TBC1D8: variants seen among roughly 807,000 people sequenced by gnomAD.
TBC1D8 encodes the protein TBC1 domain family member 8, also known as BUB2-like protein 1.
A neutral mutation model predicts 118.8 loss-of-function variants in TBC1D8; 65 were observed. That is an observed-to-expected ratio of 0.55 (90% CI 0.45 to 0.67). The LOEUF is 0.67. Ranked by LOEUF, TBC1D8 falls within the 30% of genes least tolerant of loss-of-function variation. TBC1D8 has a pLI of 0.00. For synonymous variants in TBC1D8, 566 were observed against 595.8 expected (o/e 0.95, Z 0.73); for missense variants, 1,376 against 1,471.2 (o/e 0.94, Z 1.06).
intron 18 of TBC1D8, 147 bp from the exon 19 acceptor site, chr2:101,011,173 G>C: frequency 1.3e-6 from 1 of 784,338 alleles, no homozygotes; most frequent in South Asian, 1.8e-5. Flanking sequence ...GATTCCCCTG[G>C]AGAGCCAGTG....
chr2:101,117,496 C>T (rs2104223233), intron 1 of TBC1D8, among the ~76,000 whole-genome samples: 1 of 152,058 alleles, frequency 6.6e-6, no homozygotes, highest in African/African-American at 2.4e-5. Context: ...TAATCTAAGT[C>T]CAGTAAAGGG....
chr2:101,025,451 T>C (rs1680285341), intron 15 of TBC1D8, among the ~76,000 whole-genome samples: 1 of 152,214 alleles, frequency 6.6e-6, no homozygotes, highest in Admixed American at 6.5e-5. Flanking sequence ...GGTCTTGAAC[T>C]GCTGACCTCA....
intron 19 of TBC1D8, 66 bp from the exon 20 acceptor site, chr2:101,008,339 C>G: frequency 7.8e-7 from 1 of 1,274,328 alleles, no homozygotes; most frequent in African/African-American, 1.5e-5. Context: ...TTTTTTTAAA[C>G]ATACCTGTGA....
At chr2:101,028,489 G>A (rs771035725) in intron 12 of TBC1D8, 57 bp from the exon 13 acceptor site, 90 of 1,507,444 alleles carry the variant, frequency 6.0e-5, no homozygotes, top group Non-Finnish European at 7.4e-5. Flanking sequence ...ACCACAACAC[G>A]GGCTGCCTTC....
chr2:101,033,941 A>T (rs1300159436), intron 9 of TBC1D8, among the ~76,000 whole-genome samples, 183 bp from the exon 10 acceptor site: 1 of 152,098 alleles, frequency 6.6e-6, no homozygotes, highest in African/African-American at 2.4e-5. Context: ...AGGCGGGTGG[A>T]TCACTTGAGG....
At chr2:101,042,438 T>G (rs560697496) in intron 5 of TBC1D8, among the ~76,000 whole-genome samples, 2 of 152,362 alleles carry the variant, frequency 1.3e-5, no homozygotes, top group South Asian at 4.1e-4. Context: ...CTTGGCTTGC[T>G]TATGTACTCT....
intron 2 of TBC1D8, among the ~76,000 whole-genome samples, chr2:101,066,230 GC>G (rs1302358985): frequency 2.0e-5 from 3 of 152,098 alleles, no homozygotes; most frequent in East Asian, 1.9e-4. Flanking sequence ...GTTGCAGTGA[GC>G]CGAGATCACG....
At chr2:101,011,766 A>G (rs1573854837) in intron 17 of TBC1D8, among the ~76,000 whole-genome samples, 1 of 152,234 alleles carries the variant, frequency 6.6e-6, no homozygotes, top group East Asian at 1.9e-4. Context: ...AGGTATGTGG[A>G]GACTGTTGTA....
intron 19 of TBC1D8, among the ~76,000 whole-genome samples, chr2:101,008,661 A>AATT (rs1558962926): frequency 6.6e-6 from 1 of 152,192 alleles, no homozygotes; most frequent in South Asian, 2.1e-4. Context: ...AAAAATACAA[A>AATT]ATTAGCCAGG....
Position 101,011,254 on chromosome 2 carries a change from TG to T in TBC1D8, c.2917+196del, listed in dbSNP as rs1679185615. 4 of 695,116 alleles carry T rather than the reference TG, an allele frequency of 5.8e-6. No individual in the cohort carries two copies. The South Asian group carries it at 7.7e-5, about 13-fold the overall frequency. 43.1% of individuals were successfully genotyped at this position (695,116 alleles called of 1,614,324 possible). On this transcript the variant is annotated intron_variant, in intron 18 of 19. Coordinates refer to ENST00000409318, the MANE Select transcript of TBC1D8 (RefSeq NM_001330348.2). ...CAAACAGGAGGAAGGAACTTGGTGG[TG>T]GGGGCAAGGGGCAGCCACCCAGCAA...
chr2:101,117,677 C>T (rs1316906873), intron 1 of TBC1D8, among the ~76,000 whole-genome samples: 1 of 150,964 alleles, frequency 6.6e-6, no homozygotes, highest in Non-Finnish European at 1.5e-5. Context: ...GGGTTCACGC[C>T]ATTCTCCTGC....
intron 4 of TBC1D8, 27 bp downstream of exon 4, chr2:101,054,081 T>G: frequency 6.3e-7 from 1 of 1,587,132 alleles, no homozygotes; most frequent in Non-Finnish European, 8.6e-7. Context: ...AACTTTATCT[T>G]GGAAGAGCCT....
intron 1 of TBC1D8, among the ~76,000 whole-genome samples, chr2:101,106,968 A>C (rs1280016191): frequency 6.6e-6 from 1 of 152,190 alleles, no homozygotes; most frequent in Non-Finnish European, 1.5e-5. Context: ...GCTAAGCTAT[A>C]ATGTTTGGAG....
chr2:101,008,232 G>A lies in TBC1D8; in HGVS notation c.3057C>T (p.Phe1019=), dbSNP rs777101895. The change falls in exon 20 of 20, where the codon TTC becomes TTT. Residue 1019 remains phenylalanine (F), a synonymous_variant. Coordinates refer to ENST00000409318, the MANE Select transcript of TBC1D8 (RefSeq NM_001330348.2). ...AATCATTTTCTTCTGGATCTTCATG[G>A]AACATACTGTACAGAGTTTTACAGA... ...IQFCKTLYSM[F]HEDPEENDLY... is the part of the protein sequence containing the mutation. The A allele has an allele frequency of 6.3e-7, 1 of 1,595,576 alleles. No homozygotes were observed. Among genetic ancestry groups the A allele is most frequent in the African/African-American group, 1.3e-5 (1 of 74,418 alleles).
At chr2:101,126,610 A>G (rs1678368096) in intron 1 of TBC1D8, among the ~76,000 whole-genome samples, 1 of 152,230 alleles carries the variant, frequency 6.6e-6, no homozygotes, top group African/African-American at 2.4e-5. Flanking sequence ...AGATATACAG[A>G]GAGAGGTAAA....
chr2:101,050,265 A>C, intron 5 of TBC1D8, 136 bp downstream of exon 5: 1 of 1,337,638 alleles, frequency 7.5e-7, no homozygotes, highest in Non-Finnish European at 1.0e-6. Flanking sequence ...ACGACATACA[A>C]AAATCTGGAT....
chr2:101,037,189 A>G (rs551148228), intron 8 of TBC1D8, among the ~76,000 whole-genome samples: 3 of 152,370 alleles, frequency 2.0e-5, no homozygotes, highest in Non-Finnish European at 2.9e-5. Context: ...AAGACAAAAA[A>G]AAAGGAAAAA....
chr2:101,138,098 T>C (rs1052848047), intron 1 of TBC1D8, among the ~76,000 whole-genome samples: 1 of 151,996 alleles, frequency 6.6e-6, no homozygotes, highest in Admixed American at 6.6e-5. Context: ...GGGAAGGTGC[T>C]ACACACTTTT....
At chr2:101,039,245 T>A (rs1309326644) in intron 6 of TBC1D8, among the ~76,000 whole-genome samples, 1 of 152,176 alleles carries the variant, frequency 6.6e-6, no homozygotes, top group African/African-American at 2.4e-5. Flanking sequence ...CCAAAAAAAA[T>A]TTTTTAAGCA....
Sources: gnomAD v4.1 joint callset for allele counts (sites outside exome capture counted in the v4.1 genomes callset) on GRCh38, gnomAD v4.1.1 for gene constraint, MANE v1.5 for transcripts, NCBI Gene and HGNC (gene_info 2026-07-23, HGNC 2026-07-21) for gene names.